The following CDCA5 variants were observed in gnomAD, a reference collection of about 807,000 sequenced individuals.
The protein encoded by CDCA5 is sororin.
In CDCA5, 14 loss-of-function variants were observed where a neutral mutation model predicts 25.7. That is an observed-to-expected ratio of 0.54 (90% CI 0.36 to 0.85). The LOEUF (loss-of-function observed/expected upper bound fraction) is 0.85. Among genes scored for constraint, CDCA5 ranks in the 40% least tolerant of loss-of-function variants. CDCA5 has a pLI of 0.01. For synonymous variants in CDCA5, 127 were observed against 128.7 expected, an observed-to-expected ratio of 0.99 and a Z score of 0.09; for missense variants, 307 against 324.5, an observed-to-expected ratio of 0.95 and a Z score of 0.41.
intron 1 of CDCA5, among the ~76,000 whole-genome samples, chr11:65,069,940 C>T (rs573939396): frequency 3.9e-5 from 6 of 152,274 alleles, no homozygotes; most frequent in East Asian, 1.9e-4. Context: ...GACCACAGTG[C>T]GGGGGGATGA....
rs1565280694 is a variant in CDCA5 at position 65,077,492 on chromosome 11, C to T, written c.*1615G>A. 1.0e-6 allele frequency: 1 copy of T among 985,426 alleles called. No homozygotes were observed. Among genetic ancestry groups the T allele is most frequent in the East Asian group, 1.1e-4 (1 of 8,822 alleles). The allele number at this position is 985,426 out of a possible 1,614,324, so 61.0% of individuals were successfully genotyped here. Reference sequence around the variant, plus strand: ...CTCTTTAATCAGGCTTTTTTTCCAACTCTAAAACAAAATCCCATTTTTTCC... The same window carrying T: ...CTCTTTAATCAGGCTTTTTTTCCAATTCTAAAACAAAATCCCATTTTTTCC... On this transcript the variant is annotated 3_prime_UTR_variant, in exon 6 of 6. Transcript: ENST00000275517.
At chr11:65,080,884 G>C (rs1203095223) in intron 4 of CDCA5, among the ~76,000 whole-genome samples, 1 of 152,230 alleles carries the variant, frequency 6.6e-6, no homozygotes, top group Non-Finnish European at 1.5e-5. Flanking sequence ...CAGGAAAACA[G>C]AACAGGAGAG....
rs764111316 is a variant in CDCA5, at chr11:65,083,990, C to G, written c.-12G>C. ...CGCCTCCCAGACATAACTTAGGCTC[C>G]GTCTCGAGCTCCTCCAGCGCCGCCG... On this transcript the variant is annotated 5_prime_UTR_variant, in exon 1 of 6. Coordinates refer to ENST00000275517, the MANE Select transcript of CDCA5 (RefSeq NM_080668.4). The G allele has an allele frequency of 3.7e-6, 6 of 1,607,914 alleles. No homozygotes were observed. The highest frequency in any genetic ancestry group is 5.1e-6 in the Non-Finnish European group (6 of 1,177,580).
At chr11:65,080,111 C>T (rs1412815881) in intron 4 of CDCA5, among the ~76,000 whole-genome samples, 5 of 152,068 alleles carry the variant, frequency 3.3e-5, no homozygotes, top group African/African-American at 4.8e-5. Context: ...AGGAGGGTCT[C>T]GATTTCCTGA....
intron 1 of CDCA5, among the ~76,000 whole-genome samples, chr11:65,071,678 C>G (rs545659770): frequency 1.3e-5 from 2 of 152,290 alleles, no homozygotes; most frequent in East Asian, 3.9e-4. Flanking sequence ...CTAAATCTAG[C>G]AACTCTAACA....
In CDCA5 at chr11:65,083,467, A is replaced by C; in HGVS notation, c.207+18T>G. Reference sequence around the variant, plus strand: ...TTTTGCCCGCCTAACCACCCACAACACTCTCCTTAGCCTTTACCTCTACAG... The same window carrying C: ...TTTTGCCCGCCTAACCACCCACAACCCTCTCCTTAGCCTTTACCTCTACAG... On this transcript the variant is annotated intron_variant, in intron 3 of 5. Coordinates refer to ENST00000275517, the MANE Select transcript of CDCA5 (RefSeq NM_080668.4). 1 of 1,613,348 alleles carries C rather than the reference A, an allele frequency of 6.2e-7. No individual in the cohort carries two copies. The highest frequency in any genetic ancestry group is 8.5e-7 in the Non-Finnish European group (1 of 1,179,814).
chr11:65,081,614 G>A (rs1947568372), intron 4 of CDCA5, among the ~76,000 whole-genome samples: 1 of 152,108 alleles, frequency 6.6e-6, no homozygotes, highest in Non-Finnish European at 1.5e-5. Context: ...CCCTCAAGGT[G>A]CCTGTGTTCT....
downstream of CDCA5, among the ~76,000 whole-genome samples, chr11:65,065,705 T>C (rs943304359): frequency 2.0e-5 from 3 of 152,144 alleles, no homozygotes; most frequent in African/African-American, 7.2e-5. Context: ...TACGTGTCAG[T>C]TTTTTGTATT....
chr11:65,077,259 C>A (rs942582923), downstream of CDCA5, among the ~76,000 whole-genome samples: 2 of 152,028 alleles, frequency 1.3e-5, no homozygotes, highest in African/African-American at 4.8e-5. Context: ...TGGACTCCAG[C>A]CTGGGAGACA....
chr11:65,070,851 T>C (rs1263158391), intron 1 of CDCA5, among the ~76,000 whole-genome samples: 2 of 152,192 alleles, frequency 1.3e-5, no homozygotes, highest in Non-Finnish European at 2.9e-5. Context: ...CTTAGGATTT[T>C]GGAATATTAG....
At chr11:65,071,105 C>G (rs1329162743) in intron 1 of CDCA5, among the ~76,000 whole-genome samples, 10 of 151,392 alleles carry the variant, frequency 6.6e-5, no homozygotes, top group African/African-American at 2.4e-4. Flanking sequence ...CCACACCCGG[C>G]TAATTTTTTG....
chr11:65,081,842 TG>T lies in CDCA5; in HGVS notation c.243+1521del, dbSNP rs57252919. Among the ~76,000 whole-genome samples the T allele has an allele frequency of 9.7e-3, 1,480 of 152,082 alleles. 27 individuals carry two copies. Among genetic ancestry groups the T allele is most frequent in the African/African-American group, 0.033 (1,359 of 41,484 alleles). ...AAAACATCAAAAAATTAGCCAGGCA[TG>T]GTGGCATGTGACTATAGTCCCAGCT... On this transcript the variant is annotated intron_variant, in intron 4 of 5. Coordinates refer to ENST00000275517, the MANE Select transcript of CDCA5 (RefSeq NM_080668.4).
chr11:65,061,990 G>A (rs1482351702), downstream of CDCA5, among the ~76,000 whole-genome samples: 1 of 138,664 alleles, frequency 7.2e-6, no homozygotes, highest in Non-Finnish European at 1.5e-5. Flanking sequence ...GCGCGATCTC[G>A]GCTCACCGCA....
Position 65,078,852 on chromosome 11 carries a change from T to C in CDCA5, c.*255A>G, listed in dbSNP as rs1244715095. On this transcript the variant is annotated 3_prime_UTR_variant, in exon 6 of 6. Transcript: ENST00000275517. ...CATCTGGAAACTGGCTATGGTACTT[T>C]GGGGAGATAGGAAGGACAGGACGAC... 8.3e-7 allele frequency: 1 copy of C among 1,206,790 alleles called. No individual in the cohort carries two copies. Among genetic ancestry groups the C allele is most frequent in the Non-Finnish European group, 1.0e-6 (1 of 971,490 alleles). 74.8% of individuals were successfully genotyped at this position (1,206,790 alleles called of 1,614,324 possible). A position where few individuals can be genotyped will look rare whatever the true frequency, so the allele number is the denominator to read the frequency against.
Position 65,077,609 on chromosome 11 carries a change from T to C in CDCA5, c.*1498A>G. The C allele has an allele frequency of 1.0e-6, 1 of 985,484 alleles. No individual in the cohort carries two copies. Among genetic ancestry groups the C allele is most frequent in the Non-Finnish European group, 1.2e-6 (1 of 829,942 alleles). The allele number at this position is 985,484 out of a possible 1,614,324, so 61.0% of individuals were successfully genotyped here. On this transcript the variant is annotated 3_prime_UTR_variant, in exon 6 of 6. Coordinates refer to ENST00000275517, the MANE Select transcript of CDCA5 (RefSeq NM_080668.4). Reference sequence around the variant, plus strand: ...CTCCTGATTCTGCAGGACTAAGACATTTCCCAAGAGTTCTGCTGCATCAGC... The same window carrying C: ...CTCCTGATTCTGCAGGACTAAGACACTTCCCAAGAGTTCTGCTGCATCAGC...
At chr11:65,083,257 C>T in intron 4 of CDCA5, 107 bp downstream of exon 4, 6 of 1,318,138 alleles carry the variant, frequency 4.6e-6, no homozygotes, top group Non-Finnish European at 5.4e-6. Context: ...ACTGTTTTTG[C>T]AGTACTGCAA....
chr11:65,061,914 ATT>A (rs35836447), downstream of CDCA5, among the ~76,000 whole-genome samples: 286 of 82,296 alleles, frequency 3.5e-3, no homozygotes, highest in Middle Eastern at 0.011. Flanking sequence ...CAGCTGCCTA[ATT>A]TTTTTTTTTT....
chr11:65,064,663 G>A (rs547533203), downstream of CDCA5, among the ~76,000 whole-genome samples: 4 of 152,186 alleles, frequency 2.6e-5, no homozygotes, highest in Admixed American at 2.0e-4. Context: ...TGGTTGGGGA[G>A]GTCTGGGATC....
At chr11:65,068,191 C>T in intron 2 of CDCA5, 4 of 958,776 alleles carry the variant, frequency 4.2e-6, no homozygotes, top group Non-Finnish European at 5.8e-6. Context: ...TCCTCCCACA[C>T]CCCCCATCCT....
Sources: gnomAD v4.1 joint callset for allele counts (sites outside exome capture counted in the v4.1 genomes callset) on GRCh38, gnomAD v4.1.1 for gene constraint, MANE v1.5 for transcripts, NCBI Gene and HGNC (gene_info 2026-07-23, HGNC 2026-07-21) for gene names.